HERC1: variants seen among roughly 807,000 people sequenced by gnomAD.
The protein encoded by HERC1 is probable E3 ubiquitin-protein ligase HERC1.
A neutral mutation model predicts 554.3 loss-of-function variants in HERC1; 160 were observed. That is an observed-to-expected ratio of 0.29 (90% confidence interval 0.25 to 0.33). HERC1 has a LOEUF of 0.33. Among genes scored for constraint, HERC1 ranks in the 10% least tolerant of loss-of-function variants. The pLI, the probability that HERC1 is intolerant of heterozygous loss-of-function variation, is 1.00. For missense variants in HERC1, 4,919 were observed against 5,918.5 expected, an observed-to-expected ratio of 0.83 and a Z score of 5.54; for synonymous variants, 2,175 against 2,131.7, an observed-to-expected ratio of 1.02 and a Z score of -0.56.
At chr15:63,800,250 G>A (rs1013740491) in intron 1 of HERC1, among the ~76,000 whole-genome samples, 1 of 152,164 alleles carries the variant, frequency 6.6e-6, no homozygotes, top group African/African-American at 2.4e-5. Flanking sequence ...AAGGGGAAGA[G>A]TTTAAAATTT....
rs546195244 is a variant in HERC1, at chr15:63,646,777, C to T, written c.10879-1095G>A. ...GAGCTGAGATCGTGCCACTGTACTC[C>T]AGGCTGGGTGACAGAGCATGACTCC... On this transcript the variant is annotated intron_variant, in intron 55 of 77. Transcript: ENST00000443617. Among the ~76,000 whole-genome samples, 12 of 151,492 alleles carry T rather than the reference C, an allele frequency of 7.9e-5. No homozygotes were observed. In the South Asian group the frequency reaches 2.5e-3, roughly 32 times the overall value.
chr15:63,748,789 G>A (rs1215287416), intron 10 of HERC1, among the ~76,000 whole-genome samples: 2 of 152,104 alleles, frequency 1.3e-5, no homozygotes, highest in African/African-American at 4.8e-5. Flanking sequence ...ATTAGCCCAT[G>A]TGTATCTGAA....
At chr15:63,638,645 A>G in intron 62 of HERC1, 66 bp downstream of exon 62, 1 of 1,585,336 alleles carries the variant, frequency 6.3e-7, no homozygotes. Flanking sequence ...GGGCACAAAC[A>G]CACAAGCATT....
At chr15:63,799,388 T>C (rs998459915) in intron 1 of HERC1, among the ~76,000 whole-genome samples, 1 of 151,752 alleles carries the variant, frequency 6.6e-6, no homozygotes, top group Non-Finnish European at 1.5e-5. Flanking sequence ...TAGTCCCAGC[T>C]ACTCAGGAGG....
At chr15:63,640,893 C>G (rs1306219856) in intron 60 of HERC1, among the ~76,000 whole-genome samples, 2 of 152,152 alleles carry the variant, frequency 1.3e-5, no homozygotes, top group Non-Finnish European at 2.9e-5. Flanking sequence ...CACTTTCCTC[C>G]TTTATAAGAG....
At position 63,660,963 on chromosome 15, in the gene HERC1, A is replaced by T; in HGVS notation, c.9223+10T>A. The stretch of plus-strand genomic sequence containing the variant: ...ACATGTAAAATAAAGAAGCTCTCAA[A>T]ACAAACTACCTTCATACACACTGTC... On this transcript the variant is annotated intron_variant, in intron 46 of 77. Coordinates refer to ENST00000443617, the MANE Select transcript of HERC1 (RefSeq NM_003922.4). 6.3e-7 allele frequency: 1 copy of T among 1,586,876 alleles called. No individual in the cohort carries two copies.
intron 74 of HERC1, among the ~76,000 whole-genome samples, chr15:63,622,326 C>CTTTTT (rs35490295): frequency 8.5e-5 from 10 of 117,592 alleles, no homozygotes; most frequent in Non-Finnish European, 1.3e-4. Flanking sequence ...TGCCTGTTTC[C>CTTTTT]TTTTTTTTTT....
rs1034683704 is a variant in HERC1, at chr15:63,802,934, G to A, written c.-26-27285C>T. ...AGCAACTCTATAAAATAGGGGCTGC[G>A]TGTGGTGGCTCATGCCTATAATCCC... is the stretch of plus-strand genomic sequence containing the variant. On this transcript the variant is annotated intron_variant, in intron 1 of 77. Coordinates refer to ENST00000443617, the MANE Select transcript of HERC1 (RefSeq NM_003922.4). Among the ~76,000 whole-genome samples, 8 of 152,314 alleles carry A rather than the reference G, an allele frequency of 5.3e-5. No individual in the cohort carries two copies. In the South Asian group the frequency reaches 8.3e-4, roughly 16 times the overall value.
intron 54 of HERC1, among the ~76,000 whole-genome samples, chr15:63,649,207 G>A (rs9972554): frequency 0.45 from 67,744 of 151,982 alleles, 16,323 homozygotes; most frequent in Non-Finnish European, 0.55. Flanking sequence ...ACAAAAATTA[G>A]CTGGGCGTGG....
At chr15:63,741,131 C>G (rs1402297964) in intron 12 of HERC1, among the ~76,000 whole-genome samples, 1 of 151,790 alleles carries the variant, frequency 6.6e-6, no homozygotes, top group Non-Finnish European at 1.5e-5. Flanking sequence ...CAGGTTCAAG[C>G]AATTCTTCTG....
Position 63,659,218 on chromosome 15 carries a change from C to T in HERC1, c.9425-500G>A, listed in dbSNP as rs560163837. Reference sequence around the variant, plus strand: ...ACAAGTTCTATAAATCTTTTTATTGCTTCGGTATCATGAAAGACAAAAAAA... The same window carrying T: ...ACAAGTTCTATAAATCTTTTTATTGTTTCGGTATCATGAAAGACAAAAAAA... On this transcript the variant is annotated intron_variant, in intron 47 of 77. Coordinates refer to ENST00000443617, the MANE Select transcript of HERC1 (RefSeq NM_003922.4). Among the ~76,000 whole-genome samples the T allele has an allele frequency of 2.0e-5, 3 of 151,640 alleles. No individual in the cohort carries two copies. In the East Asian group the frequency reaches 5.8e-4, roughly 29 times the overall value.
chr15:63,624,172 C>G lies in HERC1; in HGVS notation c.13431G>C (p.Lys4477Asn). The G allele has an allele frequency of 6.2e-7, 1 of 1,612,844 alleles. No individual in the cohort carries two copies. The highest frequency in any genetic ancestry group is 1.7e-5 in the Admixed American group (1 of 59,780). Reference sequence around the variant, plus strand: ...CATATGCTAACCTGGTTGATATCCTCTTTACAGTTATCTGAGGTCCATAGT... The same window carrying G: ...CATATGCTAACCTGGTTGATATCCTGTTTACAGTTATCTGAGGTCCATAGT... ...GKNYGPQITV[K>N]RISTRGRKCK... Residue 4477 changes from lysine to asparagine, a missense_variant, in exon 72 of 78, where the codon AAG (lysine) becomes AAC (asparagine). By Grantham distance (94) the Lys-to-Asn change is moderately conservative (BLOSUM62 0). Coordinates refer to ENST00000443617, the MANE Select transcript of HERC1 (RefSeq NM_003922.4).
chr15:63,658,032 T>C (rs1021765874), intron 48 of HERC1, among the ~76,000 whole-genome samples: 31 of 152,196 alleles, frequency 2.0e-4, no homozygotes, highest in African/African-American at 7.0e-4. Context: ...CACAGTCTTA[T>C]GGAAATTTTG....
intron 77 of HERC1, among the ~76,000 whole-genome samples, chr15:63,610,371 T>C (rs1050405877): frequency 1.4e-4 from 21 of 152,108 alleles, no homozygotes; most frequent in South Asian, 6.2e-4. Context: ...GTAGAAATGA[T>C]CTAAAAGCCA....
At chr15:63,771,476 G>A (rs1318986870) in intron 2 of HERC1, among the ~76,000 whole-genome samples, 2 of 151,456 alleles carry the variant, frequency 1.3e-5, no homozygotes, top group African/African-American at 4.9e-5. Context: ...TGTCACCCAG[G>A]CTGGAGTGCA....
chr15:63,819,693 G>A (rs982302445), intron 1 of HERC1, among the ~76,000 whole-genome samples: 1 of 152,098 alleles, frequency 6.6e-6, no homozygotes, highest in Non-Finnish European at 1.5e-5. Context: ...ATGAATTCCT[G>A]AACACCCATA....
chr15:63,722,762 T>C (rs2073875294), intron 19 of HERC1, among the ~76,000 whole-genome samples: 2 of 152,204 alleles, frequency 1.3e-5, no homozygotes, highest in South Asian at 4.1e-4. Context: ...TGTTAATGTC[T>C]TACTATGCCT....
chr15:63,640,057 T>C, intron 61 of HERC1, 95 bp downstream of exon 61: 1 of 1,183,592 alleles, frequency 8.4e-7, no homozygotes, highest in Non-Finnish European at 1.2e-6. Flanking sequence ...CTTCTAGCCA[T>C]GCATACCAGC....
intron 37 of HERC1, among the ~76,000 whole-genome samples, chr15:63,676,913 C>T (rs1454786328): frequency 6.6e-6 from 1 of 152,138 alleles, no homozygotes; most frequent in African/African-American, 2.4e-5. Flanking sequence ...TATGTAGAGT[C>T]ATTAGACAAA....
Sources: allele counts gnomAD v4.1 joint callset (sites outside exome capture counted in the v4.1 genomes callset), GRCh38; gene constraint gnomAD v4.1.1; transcripts MANE v1.5; gene names NCBI Gene and HGNC (gene_info 2026-07-23, HGNC 2026-07-21).